Variants in KATNAL1 observed in about 807,000 individuals in gnomAD.
KATNAL1 encodes katanin catalytic subunit A1 like 1, also known as katanin p60 ATPase-containing subunit A-like 1.
KATNAL1 carries 32 observed loss-of-function variants against 55.2 expected under a neutral mutation model. The observed-to-expected ratio is 0.58, with a 90% CI of 0.44 to 0.78. The LOEUF (loss-of-function observed/expected upper bound fraction) is 0.78. KATNAL1 is among the 30% of genes least tolerant of loss of function. KATNAL1 has a pLI of 0.00. For synonymous variants in KATNAL1, 193 were observed against 193.6 expected (o/e 1.00, Z 0.02); for missense variants, 466 against 600.9 (o/e 0.78, Z 2.35).
intron 9 of KATNAL1, among the ~76,000 whole-genome samples, chr13:30,212,442 T>C (rs1475075238): frequency 6.6e-6 from 1 of 152,252 alleles, no homozygotes; most frequent in Non-Finnish European, 1.5e-5. Context: ...CTCACCACTC[T>C]GTGCCTGGCT....
At chr13:30,277,746 G>C in intron 3 of KATNAL1, among the ~76,000 whole-genome samples, 1 of 151,992 alleles carries the variant, frequency 6.6e-6, no homozygotes, top group Non-Finnish European at 1.5e-5. Context: ...CACTTTGGGA[G>C]GCCGAGGCGG....
intron 1 of KATNAL1, among the ~76,000 whole-genome samples, chr13:30,297,943 C>T (rs1882623115): frequency 2.0e-5 from 3 of 152,218 alleles, no homozygotes; most frequent in Non-Finnish European, 4.4e-5. Context: ...CGGGATCATT[C>T]ATATCCCAAA....
intron 3 of KATNAL1, among the ~76,000 whole-genome samples, chr13:30,267,334 T>G (rs537748529): frequency 6.6e-6 from 1 of 152,354 alleles, no homozygotes; most frequent in East Asian, 1.9e-4. Flanking sequence ...GAACTTTAGA[T>G]AAATTCTCAC....
intron 3 of KATNAL1, among the ~76,000 whole-genome samples, chr13:30,258,125 C>G (rs1054278622): frequency 4.6e-5 from 7 of 152,176 alleles, no homozygotes; most frequent in Admixed American, 3.3e-4. Flanking sequence ...CAGACTGACA[C>G]AGTACTAGCT....
At chr13:30,286,943 C>T (rs1204384809) in intron 1 of KATNAL1, among the ~76,000 whole-genome samples, 1 of 152,242 alleles carries the variant, frequency 6.6e-6, no homozygotes, top group Non-Finnish European at 1.5e-5. Context: ...GATTTCAGAA[C>T]TGCATGGCCT....
intron 1 of KATNAL1, chr13:30,296,338 C>A: frequency 8.7e-7 from 1 of 1,155,390 alleles, no homozygotes; most frequent in Non-Finnish European, 1.3e-6. Context: ...ATGCCGAGGA[C>A]TTCCGCAAGC....
intron 3 of KATNAL1, among the ~76,000 whole-genome samples, chr13:30,263,296 T>C (rs1025402727): frequency 6.6e-5 from 10 of 152,146 alleles, no homozygotes; most frequent in African/African-American, 2.4e-4. Flanking sequence ...AGCATTCCCT[T>C]TGAAAACGGG....
At chr13:30,282,484 A>T (rs1881432661) in intron 2 of KATNAL1, among the ~76,000 whole-genome samples, 2 of 151,990 alleles carry the variant, frequency 1.3e-5, no homozygotes, top group African/African-American at 4.8e-5. Flanking sequence ...CAAAAAATTT[A>T]AAAATTTGCT....
chr13:30,252,996 C>T (rs1310144852), intron 4 of KATNAL1, among the ~76,000 whole-genome samples: 1 of 152,192 alleles, frequency 6.6e-6, no homozygotes, highest in Non-Finnish European at 1.5e-5. Context: ...ATTCACCTGC[C>T]TTGGCCTCCC....
At chr13:30,273,026 C>T (rs762119859) in intron 3 of KATNAL1, among the ~76,000 whole-genome samples, 10 of 152,210 alleles carry the variant, frequency 6.6e-5, no homozygotes, top group Non-Finnish European at 1.0e-4. Flanking sequence ...TGCACTCCCT[C>T]TACATGTGCA....
chr13:30,289,586 G>A (rs1175454564), intron 1 of KATNAL1, among the ~76,000 whole-genome samples: 2 of 152,178 alleles, frequency 1.3e-5, no homozygotes, highest in East Asian at 3.8e-4. Context: ...GCAGAGTCTG[G>A]TAATATCAGT....
Position 30,231,270 on chromosome 13 carries a change from G to C in KATNAL1, c.885+44C>G, listed in dbSNP as rs769678660. The C allele has an allele frequency of 3.7e-5, 57 of 1,529,324 alleles. No homozygotes were observed. The South Asian group carries it at 6.9e-4, about 19-fold the overall frequency. The allele number at this position is 1,529,324 out of a possible 1,614,324, so 94.7% of individuals were successfully genotyped here. A position where few individuals can be genotyped will look rare whatever the true frequency, so the allele number is the denominator to read the frequency against. On this transcript the variant is annotated intron_variant, in intron 7 of 10. Coordinates refer to ENST00000380615, the MANE Select transcript of KATNAL1 (RefSeq NM_032116.5). ...AGAACTGATTTATGGGGGCATCATA[G>C]GCCTACACACACTACTTTGAAATCT...
chr13:30,280,281 AAATAATAAATTACT>A, intron 2 of KATNAL1, 58 bp from the exon 3 acceptor site: 1 of 1,366,844 alleles, frequency 7.3e-7, no homozygotes, highest in South Asian at 1.6e-5. Context: ...CATAAATTGT[AAATAATAAATTACT>A]ATAGAGTGCA....
At position 30,227,540 on chromosome 13, in the gene KATNAL1, C is replaced by G; in HGVS notation, c.1019G>C (p.Gly340Ala). ...AGGATCATCATTTTCTAAAGCTCCT[C>G]CAACTCCTATACACAGTAAGGGAGG... ...SELLIQMDGVGGALENDDPSK... is the reference protein window; with the variant it reads ...SELLIQMDGVAGALENDDPSK... The change falls in exon 9 of 11, where the codon GGA (glycine) becomes GCA (alanine). Residue 340 changes from glycine (G) to alanine (A), a missense_variant. By Grantham distance (60) the Gly-to-Ala change is moderately conservative. Coordinates refer to ENST00000380615, the MANE Select transcript of KATNAL1 (RefSeq NM_032116.5). The G allele has an allele frequency of 6.2e-7, 1 of 1,613,696 alleles. No homozygotes were observed. Among genetic ancestry groups the G allele is most frequent in the Non-Finnish European group, 8.5e-7 (1 of 1,179,728 alleles).
At chr13:30,231,774 A>G (rs910969803) in intron 6 of KATNAL1, among the ~76,000 whole-genome samples, 2 of 152,226 alleles carry the variant, frequency 1.3e-5, no homozygotes, top group Admixed American at 1.3e-4. Flanking sequence ...TATGACATAT[A>G]CATATAATAT....
intron 3 of KATNAL1, among the ~76,000 whole-genome samples, chr13:30,270,819 T>C (rs1880289952): frequency 6.6e-6 from 1 of 151,032 alleles, no homozygotes; most frequent in South Asian, 2.1e-4. Flanking sequence ...GAGACCTTTG[T>C]TCACTTGTTT....
At chr13:30,272,136 A>C (rs1317385319) in intron 3 of KATNAL1, among the ~76,000 whole-genome samples, 1 of 152,242 alleles carries the variant, frequency 6.6e-6, no homozygotes, top group Non-Finnish European at 1.5e-5. Context: ...GCAGTGGCTC[A>C]TGCCTATAAT....
In KATNAL1 at chr13:30,240,441, C is replaced by T. The variant is rs1313822938; in HGVS notation, c.726+19G>A. On this transcript the variant is annotated intron_variant, in intron 6 of 10. Coordinates refer to ENST00000380615, the MANE Select transcript of KATNAL1 (RefSeq NM_032116.5). ...CCAAGTAGCATTCTTATATCAAAAC[C>T]AATTTAATAAATTCTCACCTTCCAT... 2.0e-5 allele frequency: 30 copies of T among 1,537,544 alleles called. No individual in the cohort carries two copies. Among genetic ancestry groups the T allele is most frequent in the Non-Finnish European group, 2.7e-5 (30 of 1,111,450 alleles).
intron 6 of KATNAL1, among the ~76,000 whole-genome samples, chr13:30,234,485 C>T (rs73163473): frequency 0.014 from 2,171 of 152,276 alleles, 30 homozygotes; most frequent in South Asian, 0.044. Context: ...CTTCTTGAAA[C>T]CCTGACACTG....
Sources: gnomAD v4.1 joint callset for allele counts (sites outside exome capture counted in the v4.1 genomes callset) on GRCh38, gnomAD v4.1.1 for gene constraint, MANE v1.5 for transcripts, NCBI Gene and HGNC (gene_info 2026-07-23, HGNC 2026-07-21) for gene names.